Variants in SNX31 observed in about 807,000 individuals in gnomAD.
SNX31 encodes the protein sorting nexin 31, also known as sorting nexin-31.
SNX31 carries 58 observed loss-of-function variants against 65.4 expected under a neutral mutation model. The ratio of observed to expected loss-of-function variants is 0.89; its 90% CI spans 0.72 to 1.10. The LOEUF is 1.10. Among genes scored for constraint, SNX31 ranks in the 50% least tolerant of loss-of-function variants. The probability of loss-of-function intolerance (pLI) is 0.00; values close to 1 mark genes in which losing one functional copy is unlikely to be tolerated. For missense variants in SNX31, 523 were observed against 529.7 expected (o/e 0.99, Z 0.12); for synonymous variants, 181 against 190.1 (o/e 0.95, Z 0.39).
intron 3 of SNX31, among the ~76,000 whole-genome samples, chr8:100,635,554 T>TAAAAAA (rs58496992): frequency 7.4e-6 from 1 of 134,274 alleles, no homozygotes. Context: ...CTTCATCTCT[T>TAAAAAA]AAAAAAAAAA....
upstream of SNX31, among the ~76,000 whole-genome samples, chr8:100,653,684 G>A (rs544301407): frequency 6.6e-6 from 1 of 152,324 alleles, no homozygotes; most frequent in African/African-American, 2.4e-5. Flanking sequence ...TCATTTCTGT[G>A]GTCGTAAGCC....
upstream of SNX31, among the ~76,000 whole-genome samples, chr8:100,652,363 T>C (rs1483329447): frequency 1.3e-5 from 2 of 152,114 alleles, no homozygotes; most frequent in African/African-American, 4.8e-5. Context: ...TTCCAAGGGG[T>C]ATTTTAATTT....
At chr8:100,645,855 C>A (rs1042325871) in intron 2 of SNX31, among the ~76,000 whole-genome samples, 2 of 152,142 alleles carry the variant, frequency 1.3e-5, no homozygotes, top group Admixed American at 6.5e-5. Context: ...AGGCAGTCCA[C>A]CCACCTTGGC....
intron 5 of SNX31, among the ~76,000 whole-genome samples, chr8:100,616,414 A>C (rs62513876): frequency 1.3e-5 from 2 of 152,030 alleles, no homozygotes; most frequent in African/African-American, 4.8e-5. Context: ...CCCCAGACAC[A>C]TGCAGTCTGT....
At position 100,588,036 on chromosome 8, in the gene SNX31, C is replaced by A. The variant is rs1814210260; in HGVS notation, c.1092+830G>T. 6.6e-6 allele frequency among the ~76,000 whole-genome samples: 1 copy of A among 151,890 alleles called. No homozygotes were observed. The highest frequency in any genetic ancestry group is 1.5e-5 in the Non-Finnish European group (1 of 67,976). ...AGTATGCTACTATACTGAATAAATT[C>A]TGAGGCAATTGTAACACAATGATAA... On this transcript the variant is annotated intron_variant, in intron 11 of 13. Coordinates refer to ENST00000311812, the MANE Select transcript of SNX31 (RefSeq NM_152628.4). The surrounding 1 kb of genome is among the most constrained non-coding windows in gnomAD (Gnocchi z 4.8).
intron 10 of SNX31, among the ~76,000 whole-genome samples, chr8:100,591,787 C>G (rs1193549677): frequency 6.6e-6 from 1 of 152,146 alleles, no homozygotes; most frequent in Non-Finnish European, 1.5e-5. Flanking sequence ...CATAATTGTG[C>G]CACTGCACTC....
chr8:100,597,675 C>G (rs1308472110), intron 9 of SNX31, among the ~76,000 whole-genome samples: 1 of 152,174 alleles, frequency 6.6e-6, no homozygotes, highest in Non-Finnish European at 1.5e-5. Context: ...AATGAGGGCA[C>G]GAGCTGGTCT....
intron 11 of SNX31, among the ~76,000 whole-genome samples, chr8:100,587,760 G>T (rs1018437937): frequency 5.3e-5 from 8 of 152,188 alleles, no homozygotes; most frequent in African/African-American, 1.9e-4. Context: ...TTCAGGCTAT[G>T]TGTTTAAGGT....
chr8:100,619,397 C>A (rs1242599800), intron 4 of SNX31, among the ~76,000 whole-genome samples: 1 of 152,196 alleles, frequency 6.6e-6, no homozygotes, highest in Non-Finnish European at 1.5e-5. Flanking sequence ...CTGCTGGACA[C>A]AACTCTGCAG....
chr8:100,582,918 G>A lies in SNX31; in HGVS notation c.1170+1193C>T, dbSNP rs1326431378. ...GAATGGTGTGAACCCGGAAGGCGGA[G>A]CTTGCAGTGAGCTGAGATGCACCAC... On this transcript the variant is annotated intron_variant, in intron 12 of 13. Transcript: ENST00000311812. 2.0e-5 allele frequency among the ~76,000 whole-genome samples: 3 copies of A among 151,388 alleles called. No individual in the cohort carries two copies. The East Asian group carries it at 5.9e-4, about 30-fold the overall frequency.
At chr8:100,656,137 G>T (rs554056126) in intron 1 of SNX31, among the ~76,000 whole-genome samples, 1 of 152,250 alleles carries the variant, frequency 6.6e-6, no homozygotes, top group African/African-American at 2.4e-5. Context: ...CATTGCAGAG[G>T]CTAATGTCCC....
intron 1 of SNX31, among the ~76,000 whole-genome samples, chr8:100,661,149 G>A (rs1587117781): frequency 6.6e-6 from 1 of 152,190 alleles, no homozygotes; most frequent in East Asian, 1.9e-4. Context: ...GGAATTACCG[G>A]CATGTGCCAC....
intron 12 of SNX31, among the ~76,000 whole-genome samples, chr8:100,582,033 TA>T (rs2091753890): frequency 6.6e-6 from 1 of 151,826 alleles, no homozygotes; most frequent in South Asian, 2.1e-4. Context: ...CCAAAATAAG[TA>T]AAAAAAATAA....
At position 100,600,432 on chromosome 8, in the gene SNX31, C is replaced by T; in HGVS notation, c.691G>A (p.Asp231Asn). The change falls in exon 9 of 14, where the codon GAC becomes AAC. Residue 231 changes from aspartate to asparagine, a missense_variant. By Grantham distance (23) the Asp-to-Asn change is conservative. Transcript: ENST00000311812. ...GGTTTGGCCCATCCTTTTTCAATGT[C>T]CTGTATTGCCTTAAAATAACATAAG... ...VDLLYMQAIQ[D>N]IEKGWAKPTQ... 1.9e-6 allele frequency: 3 copies of T among 1,610,036 alleles called. No individual in the cohort carries two copies. The highest frequency in any genetic ancestry group is 2.2e-5 in the East Asian group (1 of 44,800).
At chr8:100,620,874 C>T (rs551753859) in intron 4 of SNX31, among the ~76,000 whole-genome samples, 5 of 152,030 alleles carry the variant, frequency 3.3e-5, no homozygotes, top group South Asian at 2.1e-4. Flanking sequence ...CTGAGGTGGG[C>T]GGATCACCTG....
chr8:100,635,554 TAA>T (rs58496992), intron 3 of SNX31, among the ~76,000 whole-genome samples: 53 of 134,206 alleles, frequency 3.9e-4, no homozygotes, highest in African/African-American at 4.6e-4. Flanking sequence ...CTTCATCTCT[TAA>T]AAAAAAAAAA....
At chr8:100,633,397 T>C (rs564191838) in intron 3 of SNX31, among the ~76,000 whole-genome samples, 19 of 152,262 alleles carry the variant, frequency 1.2e-4, no homozygotes, top group African/African-American at 4.6e-4. Flanking sequence ...ACACAAAGTA[T>C]TTTATTTATT....
At chr8:100,651,411 C>T (rs1472497226), upstream of SNX31, among the ~76,000 whole-genome samples, 2 of 152,176 alleles carry the variant, frequency 1.3e-5, no homozygotes, top group African/African-American at 4.8e-5. Flanking sequence ...CCCCAGCTTT[C>T]CTGGAACTTT....
In SNX31 at chr8:100,573,959, T is replaced by G. The variant is rs201004595; in HGVS notation, c.1229A>C (p.Gln410Pro). The change falls in exon 14 of 14, where the codon CAG (glutamine) becomes CCG (proline). Residue 410 changes from glutamine to proline, a missense_variant and splice_region_variant. Coordinates refer to ENST00000311812, the MANE Select transcript of SNX31 (RefSeq NM_152628.4). ...TGATAGAAAACTAGAATAGTCTTTCTGCTGTGAAGTAAACAGAGAGGTCAG... is the reference window on the plus strand; with the variant it reads ...TGATAGAAAACTAGAATAGTCTTTCGGCTGTGAAGTAAACAGAGAGGTCAG... ...SKKYHIQQSQ[Q>P]KDYSSFLSRK... The G allele has an allele frequency of 5.9e-6, 9 of 1,529,264 alleles. No homozygotes were observed. Among genetic ancestry groups the G allele is most frequent in the Non-Finnish European group, 8.0e-6 (9 of 1,125,058 alleles). 94.7% of individuals were successfully genotyped at this position (1,529,264 alleles called of 1,614,324 possible).
Sources: allele counts gnomAD v4.1 joint callset (sites outside exome capture counted in the v4.1 genomes callset), GRCh38; gene constraint gnomAD v4.1.1; non-coding constraint Gnocchi (gnomAD v3.1); transcripts MANE v1.5; gene names NCBI Gene and HGNC (gene_info 2026-07-23, HGNC 2026-07-21).